ZNF704: variants seen among roughly 807,000 people sequenced by gnomAD.
The protein encoded by ZNF704 is zinc finger protein 704.
ZNF704 carries 10 observed loss-of-function variants against 44.7 expected under a neutral mutation model. That is an observed-to-expected ratio of 0.22 (90% CI 0.14 to 0.38). The LOEUF (loss-of-function observed/expected upper bound fraction) is 0.38. Among genes scored for constraint, ZNF704 ranks in the 10% least tolerant of loss-of-function variants. The probability of loss-of-function intolerance (pLI) is 1.00; values close to 1 mark genes in which losing one functional copy is unlikely to be tolerated. For synonymous variants in ZNF704, 211 were observed against 207.6 expected, an observed-to-expected ratio of 1.02 and a Z score of -0.14; for missense variants, 390 against 545.5, an observed-to-expected ratio of 0.71 and a Z score of 2.84.
chr8:80,664,796 A>T lies in ZNF704; in HGVS notation c.927+19T>A. The T allele has an allele frequency of 1.9e-6, 3 of 1,613,386 alleles. No individual in the cohort carries two copies. Among genetic ancestry groups the T allele is most frequent in the Non-Finnish European group, 2.5e-6 (3 of 1,179,346 alleles). ...GGTCAAGGTCAAAGTGATTGCTCTC[A>T]CAGTCCCCTGCAAGTCACCTGGTAA... On this transcript the variant is annotated intron_variant, in intron 6 of 8. Transcript: ENST00000327835.
At chr8:80,709,103 C>T (rs1818942068) in intron 2 of ZNF704, among the ~76,000 whole-genome samples, 1 of 152,072 alleles carries the variant, frequency 6.6e-6, no homozygotes, top group African/African-American at 2.4e-5. Context: ...GGTTCATCTA[C>T]CATAGACAGA....
intron 1 of ZNF704, among the ~76,000 whole-genome samples, chr8:80,858,802 T>C (rs185491725): frequency 2.0e-5 from 3 of 152,344 alleles, no homozygotes; most frequent in East Asian, 1.9e-4. Flanking sequence ...TTTTATTCCA[T>C]TGTGGTCAAA....
chr8:80,882,962 G>A, the ZNF704 span, among the ~76,000 whole-genome samples: 8 of 151,192 alleles, frequency 5.3e-5, no homozygotes, highest in African/African-American at 2.0e-4. Context: ...TAATGGCCAG[G>A]TGTGGTGGCT....
At chr8:80,883,473 G>A in the ZNF704 span, among the ~76,000 whole-genome samples, 1 of 152,108 alleles carries the variant, frequency 6.6e-6, no homozygotes, top group African/African-American at 2.4e-5. Context: ...GCCACATGCA[G>A]CTATGGAGCA....
intron 2 of ZNF704, among the ~76,000 whole-genome samples, chr8:80,782,102 T>A (rs889424815): frequency 1.2e-4 from 18 of 152,294 alleles, no homozygotes; most frequent in African/African-American, 4.3e-4. Context: ...CGAGCAATCA[T>A]CACTGCTGTC....
Position 80,829,281 on chromosome 8 carries a change from C to T in ZNF704, c.-21-7666G>A, listed in dbSNP as rs905007010. 3.3e-5 allele frequency among the ~76,000 whole-genome samples: 5 copies of T among 152,146 alleles called. No homozygotes were observed. In the East Asian group the frequency reaches 9.6e-4, roughly 29 times the overall value. The stretch of plus-strand genomic sequence containing the variant: ...ACATCCATCACTAGTCAATGCACTG[C>T]GTAACTCTCTCTGCCTGGAGGTGGG... On this transcript the variant is annotated intron_variant, in intron 1 of 8. Transcript: ENST00000327835.
At chr8:80,744,396 A>G (rs1806811535) in intron 2 of ZNF704, among the ~76,000 whole-genome samples, 1 of 152,190 alleles carries the variant, frequency 6.6e-6, no homozygotes, top group African/African-American at 2.4e-5. Flanking sequence ...CCAAGGTACT[A>G]TTTGAAAATA....
chr8:80,882,205 G>A, the ZNF704 span, among the ~76,000 whole-genome samples: 6 of 152,180 alleles, frequency 3.9e-5, no homozygotes, highest in Admixed American at 1.3e-4. Context: ...ACGGCTTTAC[G>A]AAAGAGTTTG....
chr8:80,826,243 GAT>G (rs1374895682), intron 1 of ZNF704, among the ~76,000 whole-genome samples: 1 of 152,076 alleles, frequency 6.6e-6, no homozygotes, highest in Non-Finnish European at 1.5e-5. Context: ...TCATAAAGGA[GAT>G]ATCACCACCG....
At chr8:80,731,336 C>T (rs1806578169) in intron 2 of ZNF704, among the ~76,000 whole-genome samples, 1 of 152,090 alleles carries the variant, frequency 6.6e-6, no homozygotes, top group Admixed American at 6.5e-5. Flanking sequence ...CAAATTAACT[C>T]CTGCTGATAT....
chr8:80,757,579 C>A (rs111514116), intron 2 of ZNF704, among the ~76,000 whole-genome samples: 1 of 152,020 alleles, frequency 6.6e-6, no homozygotes, highest in Non-Finnish European at 1.5e-5. Flanking sequence ...TTTATAGAGT[C>A]TCCAGTAGTG....
intron 2 of ZNF704, among the ~76,000 whole-genome samples, chr8:80,820,159 A>G (rs760069666): frequency 2.0e-5 from 3 of 152,204 alleles, no homozygotes; most frequent in African/African-American, 2.4e-5. Context: ...ACAAATATTC[A>G]TGAGTCCCCA....
At chr8:80,805,232 C>T (rs1487184091) in intron 2 of ZNF704, among the ~76,000 whole-genome samples, 1 of 152,168 alleles carries the variant, frequency 6.6e-6, no homozygotes, top group Non-Finnish European at 1.5e-5. Context: ...TAGTCATCCC[C>T]TGCTTTTCCC....
chr8:80,822,996 C>A (rs895465574), intron 1 of ZNF704, among the ~76,000 whole-genome samples: 5 of 152,148 alleles, frequency 3.3e-5, no homozygotes, highest in African/African-American at 1.2e-4. Flanking sequence ...AGGAACAGCT[C>A]CAGTCTACAG....
rs951015956 is a variant in ZNF704 at position 80,637,246 on chromosome 8, T to G, written c.*4120A>C. ...AAATTGTTCTGACTATAAAAGACTT[T>G]AGTGATAACAAAATTCTTCCTAGTT... On this transcript the variant is annotated 3_prime_UTR_variant, in exon 9 of 9. Coordinates refer to ENST00000327835, the MANE Select transcript of ZNF704 (RefSeq NM_001033723.3). 2 of 152,218 alleles carry G rather than the reference T, an allele frequency of 1.3e-5. No homozygotes were observed. Among genetic ancestry groups the G allele is most frequent in the Non-Finnish European group, 2.9e-5 (2 of 68,040 alleles). 9.4% of individuals were successfully genotyped at this position (152,218 alleles called of 1,614,324 possible).
At chr8:80,758,616 T>C (rs1479363125) in intron 2 of ZNF704, among the ~76,000 whole-genome samples, 1 of 152,194 alleles carries the variant, frequency 6.6e-6, no homozygotes, top group African/African-American at 2.4e-5. Flanking sequence ...TAATACTTAT[T>C]AGGCTCTTAC....
rs115360073 is a variant in ZNF704, at chr8:80,856,655, C to T, written c.-22+17916G>A. Reference sequence around the variant, plus strand: ...GAAAAAATTTTTAACTTCTTTGGTGCCTTTGTCAAACCATTTCTGTTGGGT... The same window carrying T: ...GAAAAAATTTTTAACTTCTTTGGTGTCTTTGTCAAACCATTTCTGTTGGGT... On this transcript the variant is annotated intron_variant, in intron 1 of 8. Transcript: ENST00000327835. Among the ~76,000 whole-genome samples the T allele has an allele frequency of 4.1e-3, 617 of 152,118 alleles. 6 individuals are homozygous for T. The highest frequency in any genetic ancestry group is 0.014 in the African/African-American group (592 of 41,494).
At chr8:80,683,159 A>G (rs1398869985) in intron 4 of ZNF704, among the ~76,000 whole-genome samples, 1 of 152,212 alleles carries the variant, frequency 6.6e-6, no homozygotes, top group Non-Finnish European at 1.5e-5. Flanking sequence ...CAAAGTCAAG[A>G]GTCCTGGCTC....
At chr8:80,748,893 G>A (rs182156655) in intron 2 of ZNF704, among the ~76,000 whole-genome samples, 3 of 152,258 alleles carry the variant, frequency 2.0e-5, no homozygotes, top group East Asian at 1.9e-4. Context: ...TAGGAGAAAC[G>A]CAGAAATTCC....
Sources: gnomAD v4.1 joint callset for allele counts (sites outside exome capture counted in the v4.1 genomes callset) on GRCh38, gnomAD v4.1.1 for gene constraint, MANE v1.5 for transcripts, NCBI Gene and HGNC (gene_info 2026-07-23, HGNC 2026-07-21) for gene names.